Variants in SCD5 observed in about 807,000 individuals in gnomAD.
SCD5 encodes stearoyl-CoA desaturase 5.
A neutral mutation model predicts 30.4 loss-of-function variants in SCD5; 20 were observed. That is an observed-to-expected ratio of 0.66 (90% CI 0.46 to 0.96). The LOEUF is 0.96. Among genes scored for constraint, SCD5 ranks in the 40% least tolerant of loss-of-function variants. SCD5 has a pLI of 0.00. For synonymous variants in SCD5, 173 were observed against 176.4 expected, an observed-to-expected ratio of 0.98 and a Z score of 0.16; for missense variants, 381 against 443.3, an observed-to-expected ratio of 0.86 and a Z score of 1.26.
At chr4:82,767,478 T>G (rs529910011) in intron 1 of SCD5, among the ~76,000 whole-genome samples, 1 of 152,304 alleles carries the variant, frequency 6.6e-6, no homozygotes, top group South Asian at 2.1e-4. Context: ...TCACCTTGTT[T>G]GCATCTCCTT....
At chr4:82,735,674 C>CT (rs1315831364) in intron 1 of SCD5, among the ~76,000 whole-genome samples, 1 of 152,222 alleles carries the variant, frequency 6.6e-6, no homozygotes, top group African/African-American at 2.4e-5. Flanking sequence ...ACTGCTGTCA[C>CT]TCACCGATTC....
At chr4:82,644,494 A>G (rs1727601349) in intron 3 of SCD5, among the ~76,000 whole-genome samples, 1 of 152,256 alleles carries the variant, frequency 6.6e-6, no homozygotes, top group African/African-American at 2.4e-5. Flanking sequence ...ATCCCACATG[A>G]CAAGCACTCC....
chr4:82,677,379 T>C (rs768039614), intron 3 of SCD5, among the ~76,000 whole-genome samples: 2 of 152,194 alleles, frequency 1.3e-5, no homozygotes, highest in Non-Finnish European at 2.9e-5. Flanking sequence ...CCTTCTTCTG[T>C]TACTCAGGAA....
chr4:82,737,006 T>C (rs1720766210), intron 1 of SCD5, among the ~76,000 whole-genome samples: 1 of 152,150 alleles, frequency 6.6e-6, no homozygotes, highest in Non-Finnish European at 1.5e-5. Context: ...TTTAGGGTTT[T>C]TTTTCCTATT....
At chr4:82,770,986 G>C (rs111633836) in intron 1 of SCD5, among the ~76,000 whole-genome samples, 7,541 of 152,188 alleles carry the variant, frequency 0.05, 261 homozygotes, top group Middle Eastern at 0.096. Flanking sequence ...TGTTTTTTGA[G>C]ACAGGATCTC....
chr4:82,708,469 C>G (rs1222046136), intron 1 of SCD5, among the ~76,000 whole-genome samples: 1 of 152,150 alleles, frequency 6.6e-6, no homozygotes, highest in Non-Finnish European at 1.5e-5. Flanking sequence ...CCACAGAGGT[C>G]AAGAAGAGCC....
intron 2 of SCD5, among the ~76,000 whole-genome samples, 175 bp downstream of exon 2, chr4:82,705,108 T>C (rs1026668016): frequency 6.6e-6 from 1 of 152,216 alleles, no homozygotes; most frequent in African/African-American, 2.4e-5. Context: ...CCAGGGGACA[T>C]TTTACTGTAT....
intron 1 of SCD5, among the ~76,000 whole-genome samples, chr4:82,761,227 A>G (rs1163592539): frequency 1.3e-5 from 2 of 152,208 alleles, no homozygotes; most frequent in Admixed American, 1.3e-4. Context: ...ATTCTCATAC[A>G]AATCATTAGA....
At chr4:82,704,341 A>G (rs1391604614) in intron 2 of SCD5, among the ~76,000 whole-genome samples, 2 of 152,090 alleles carry the variant, frequency 1.3e-5, no homozygotes, top group African/African-American at 2.4e-5. Context: ...TTCCTTCCCA[A>G]TGAGTGAAAA....
intron 1 of SCD5, among the ~76,000 whole-genome samples, chr4:82,788,581 G>A (rs1247075184): frequency 1.3e-5 from 2 of 152,094 alleles, no homozygotes; most frequent in Non-Finnish European, 2.9e-5. Flanking sequence ...AGTAGAGAAG[G>A]GGTTTCGTTA....
chr4:82,763,453 G>A (rs960062418), intron 1 of SCD5, among the ~76,000 whole-genome samples: 5 of 152,254 alleles, frequency 3.3e-5, no homozygotes, highest in Non-Finnish European at 5.9e-5. Flanking sequence ...AGAGGTTGCA[G>A]TGAGCGGAGA....
intron 3 of SCD5, among the ~76,000 whole-genome samples, chr4:82,657,900 T>C (rs1373298485): frequency 6.6e-6 from 1 of 152,238 alleles, no homozygotes; most frequent in African/African-American, 2.4e-5. Flanking sequence ...GCTGTTTGTC[T>C]ACTATTGGTG....
chr4:82,690,682 G>A (rs139195348), intron 2 of SCD5, among the ~76,000 whole-genome samples: 2 of 152,222 alleles, frequency 1.3e-5, no homozygotes, highest in East Asian at 3.9e-4. Flanking sequence ...GACAATCTCT[G>A]TGTATTACTT....
In SCD5 at chr4:82,744,083, C is replaced by G. The variant is rs907258166; in HGVS notation, c.233-38670G>C. On this transcript the variant is annotated intron_variant, in intron 1 of 4. Transcript: ENST00000319540. ...TCAACAGATCCGCCTGCCTCAGCCT[C>G]CCAAATTGCTGGGATTACAGGTGTG... Among the ~76,000 whole-genome samples the G allele has an allele frequency of 2.1e-4, 32 of 152,180 alleles. 1 individual carries two copies. The highest frequency in any genetic ancestry group is 1.5e-5 in the Non-Finnish European group (1 of 68,046).
chr4:82,792,184 G>T (rs1448281023), intron 1 of SCD5, among the ~76,000 whole-genome samples: 1 of 152,088 alleles, frequency 6.6e-6, no homozygotes, highest in African/African-American at 2.4e-5. Context: ...TTGAACCCAG[G>T]AGGCAGAGGT....
chr4:82,777,849 TAA>T (rs1433056214), intron 1 of SCD5, among the ~76,000 whole-genome samples: 1 of 152,038 alleles, frequency 6.6e-6, no homozygotes, highest in Non-Finnish European at 1.5e-5. Context: ...AACTAAGCAA[TAA>T]AGTCTCTTCA....
chr4:82,649,976 G>T (rs1727712737), intron 3 of SCD5, among the ~76,000 whole-genome samples: 1 of 152,222 alleles, frequency 6.6e-6, no homozygotes, highest in Non-Finnish European at 1.5e-5. Context: ...CAGAACTCCA[G>T]GCTGGTGAAA....
intron 2 of SCD5, among the ~76,000 whole-genome samples, chr4:82,687,782 T>A (rs1464245040): frequency 1.3e-5 from 2 of 152,312 alleles, no homozygotes; most frequent in East Asian, 3.9e-4. Context: ...AGGTCATCAA[T>A]CTCAAGAGTC....
At chr4:82,784,354 T>C (rs887641704) in intron 1 of SCD5, among the ~76,000 whole-genome samples, 9 of 152,098 alleles carry the variant, frequency 5.9e-5, no homozygotes, top group Admixed American at 1.3e-4. Context: ...CATGGGAAAA[T>C]GAATTGTGAG....
Sources: allele counts gnomAD v4.1 joint callset (sites outside exome capture counted in the v4.1 genomes callset), GRCh38; gene constraint gnomAD v4.1.1; transcripts MANE v1.5; gene names NCBI Gene and HGNC (gene_info 2026-07-23, HGNC 2026-07-21).